PLCB4: variants seen among roughly 807,000 people sequenced by gnomAD.
PLCB4 encodes the protein 1-phosphatidylinositol 4,5-bisphosphate phosphodiesterase beta-4.
In PLCB4, 77 loss-of-function variants were observed where a neutral mutation model predicts 178.8. The observed-to-expected ratio is 0.43, with a 90% confidence interval of 0.36 to 0.52. The LOEUF (loss-of-function observed/expected upper bound fraction) is 0.52, where lower values mean the gene tolerates loss of function less well. Among genes scored for constraint, PLCB4 ranks in the 20% least tolerant of loss-of-function variants. The probability of loss-of-function intolerance (pLI) is 0.00; values close to 1 mark genes in which losing one functional copy is unlikely to be tolerated. For synonymous variants in PLCB4, 496 were observed against 490.8 expected, an observed-to-expected ratio of 1.01 and a Z score of -0.14; for missense variants, 1,024 against 1,453.4, an observed-to-expected ratio of 0.70 and a Z score of 4.80.
chr20:9,124,640 A>G (rs967534712), intron 2 of PLCB4, among the ~76,000 whole-genome samples: 5 of 152,228 alleles, frequency 3.3e-5, no homozygotes, highest in African/African-American at 1.2e-4. Flanking sequence ...TTAAGAAACA[A>G]GCAACAAGCA....
At chr20:9,190,646 G>T (rs1386523648) in intron 2 of PLCB4, among the ~76,000 whole-genome samples, 1 of 152,196 alleles carries the variant, frequency 6.6e-6, no homozygotes, top group Non-Finnish European at 1.5e-5. Context: ...ACAGACTGGA[G>T]ACCAGGTATA....
chr20:9,208,660 T>G (rs1416977814), intron 2 of PLCB4, among the ~76,000 whole-genome samples: 1 of 152,076 alleles, frequency 6.6e-6, no homozygotes, highest in Non-Finnish European at 1.5e-5. Context: ...CCACCTCAGC[T>G]TCCTAAGTAG....
intron 7 of PLCB4, among the ~76,000 whole-genome samples, chr20:9,358,826 G>A (rs1439328367): frequency 2.0e-5 from 3 of 151,814 alleles, no homozygotes; most frequent in Non-Finnish European, 4.4e-5. Context: ...TTGAACCTGG[G>A]AGGTAGAGGT....
intron 16 of PLCB4, among the ~76,000 whole-genome samples, 185 bp downstream of exon 16, chr20:9,390,143 A>C (rs1602313541): frequency 6.6e-6 from 1 of 152,290 alleles, no homozygotes; most frequent in African/African-American, 2.4e-5. Flanking sequence ...AAAGGAAAAA[A>C]CGACAAAAAA....
At chr20:9,168,137 C>G (rs554844827) in intron 2 of PLCB4, among the ~76,000 whole-genome samples, 7 of 152,258 alleles carry the variant, frequency 4.6e-5, no homozygotes, top group African/African-American at 1.7e-4. Flanking sequence ...AAGTGATGCA[C>G]TCTCCAAAGA....
intron 32 of PLCB4, among the ~76,000 whole-genome samples, chr20:9,449,494 C>G (rs1349609655): frequency 1.3e-5 from 2 of 152,134 alleles, no homozygotes; most frequent in Admixed American, 6.6e-5. Flanking sequence ...GTAGATGGGT[C>G]AGTCGTGTCC....
At position 9,414,752 on chromosome 20, in the gene PLCB4, G is replaced by A. The variant is rs1417439916; in HGVS notation, c.2051+3664G>A. On this transcript the variant is annotated intron_variant, in intron 25 of 39. Coordinates refer to ENST00000378473, the MANE Select transcript of PLCB4 (RefSeq NM_001377142.1). ...AGTGAGCAGTGCTTTTAACAGTCTC[G>A]TTTTTGAAGATGGAAAAATGGAAGA... is the stretch of plus-strand genomic sequence containing the variant. 5.9e-5 allele frequency among the ~76,000 whole-genome samples: 9 copies of A among 152,276 alleles called. No individual in the cohort carries two copies. The East Asian group carries it at 9.6e-4, about 16-fold the overall frequency.
intron 35 of PLCB4, among the ~76,000 whole-genome samples, chr20:9,463,266 G>A (rs2043523437): frequency 1.3e-5 from 2 of 152,078 alleles, no homozygotes; most frequent in Non-Finnish European, 2.9e-5. Flanking sequence ...CCTGAAGGAA[G>A]CATTAAACAT....
At chr20:9,212,570 A>T (rs2093684437) in intron 2 of PLCB4, among the ~76,000 whole-genome samples, 1 of 152,148 alleles carries the variant, frequency 6.6e-6, no homozygotes, top group African/African-American at 2.4e-5. Context: ...ACTATGTAAA[A>T]CACTGTGGCA....
At chr20:9,206,276 C>T (rs906149348) in intron 2 of PLCB4, among the ~76,000 whole-genome samples, 1 of 150,274 alleles carries the variant, frequency 6.7e-6, no homozygotes, top group Non-Finnish European at 1.5e-5. Context: ...CACATCCCTC[C>T]TCCTGCCTTT....
chr20:9,452,929 AGAGAAGAAACAT>A (rs1328814836), intron 32 of PLCB4, among the ~76,000 whole-genome samples: 2 of 152,362 alleles, frequency 1.3e-5, no homozygotes, highest in East Asian at 3.9e-4. Context: ...AGCATATACA[AGAGAAGAAACAT>A]GGTGGCTGAA....
intron 1 of PLCB4, among the ~76,000 whole-genome samples, chr20:9,075,475 C>A (rs73609403): frequency 5.3e-5 from 8 of 152,320 alleles, no homozygotes; most frequent in Admixed American, 4.6e-4. Flanking sequence ...AATGCTAATT[C>A]GTGGTAGCCT....
At chr20:9,322,782 A>G (rs2147972109) in intron 4 of PLCB4, among the ~76,000 whole-genome samples, 1 of 152,368 alleles carries the variant, frequency 6.6e-6, no homozygotes, top group South Asian at 2.1e-4. Flanking sequence ...AATCTTTGCC[A>G]AAGAACTCTA....
intron 33 of PLCB4, among the ~76,000 whole-genome samples, chr20:9,456,641 C>T (rs796660110): frequency 4.6e-5 from 7 of 152,292 alleles, no homozygotes; most frequent in African/African-American, 1.7e-4. Flanking sequence ...GTGCTGCAAA[C>T]TTATTGAATA....
Position 9,427,986 on chromosome 20 carries a change from C to T in PLCB4, c.2524+4034C>T, listed in dbSNP as rs1056450726. Among the ~76,000 whole-genome samples, 12 of 152,234 alleles carry T rather than the reference C, an allele frequency of 7.9e-5. 1 individual carries two copies. Among genetic ancestry groups the T allele is most frequent in the South Asian group, 6.2e-4 (3 of 4,826 alleles). On this transcript the variant is annotated intron_variant, in intron 28 of 39. Transcript: ENST00000378473. ...TTTTATGTCAGGGAAGATGAAGTGA[C>T]CCTCTATTTCTTTGTACATTTCCCC...
chr20:9,238,557 T>C (rs2094020134), intron 3 of PLCB4, among the ~76,000 whole-genome samples: 1 of 152,216 alleles, frequency 6.6e-6, no homozygotes, highest in Non-Finnish European at 1.5e-5. Flanking sequence ...AGGCCACCTT[T>C]CTGGGTGGCT....
intron 2 of PLCB4, among the ~76,000 whole-genome samples, chr20:9,121,156 G>C (rs146756628): frequency 6.6e-6 from 1 of 152,154 alleles, no homozygotes; most frequent in African/African-American, 2.4e-5. Context: ...AAGGCAGTGC[G>C]CCATTGACCC....
At chr20:9,209,324 G>T (rs890797758) in intron 2 of PLCB4, among the ~76,000 whole-genome samples, 2 of 152,032 alleles carry the variant, frequency 1.3e-5, no homozygotes, top group Admixed American at 1.3e-4. Flanking sequence ...GAGTTACATA[G>T]ATGACAAATG....
chr20:9,384,427 T>C lies in PLCB4; in HGVS notation c.1064+16T>C, dbSNP rs1466633242. The C allele has an allele frequency of 6.3e-7, 1 of 1,587,860 alleles. No homozygotes were observed. The highest frequency in any genetic ancestry group is 2.2e-5 in the East Asian group (1 of 44,716). ...CTGGTTGCAGGTGAGGAACTCAAGA[T>C]GGCAATTTGTTTTTTGTGTGTGATG... On this transcript the variant is annotated intron_variant, in intron 14 of 39. Coordinates refer to ENST00000378473, the MANE Select transcript of PLCB4 (RefSeq NM_001377142.1).
Sources: allele counts gnomAD v4.1 joint callset (sites outside exome capture counted in the v4.1 genomes callset), GRCh38; gene constraint gnomAD v4.1.1; transcripts MANE v1.5; gene names NCBI Gene and HGNC (gene_info 2026-07-23, HGNC 2026-07-21).